The following LARS2 variants were observed in gnomAD, a reference collection of about 807,000 sequenced individuals.
LARS2 encodes the protein leucyl-tRNA synthetase 2, mitochondrial, also known as leucine--tRNA ligase, mitochondrial.
In LARS2, 81 loss-of-function variants were observed where a neutral mutation model predicts 116.6. That is an observed-to-expected ratio of 0.69 (90% confidence interval 0.58 to 0.84). The LOEUF (loss-of-function observed/expected upper bound fraction) is 0.84. Ranked by LOEUF, LARS2 falls within the 40% of genes least tolerant of loss-of-function variation. The pLI is 0.00. For synonymous variants in LARS2, 396 were observed against 407.2 expected (o/e 0.97, Z 0.33); for missense variants, 968 against 1,114.5 (o/e 0.87, Z 1.87).
chr3:45,545,014 G>A (rs979192086), intron 21 of LARS2, among the ~76,000 whole-genome samples: 1 of 152,166 alleles, frequency 6.6e-6, no homozygotes, highest in African/African-American at 2.4e-5. Context: ...GGGCTACCAG[G>A]GTGTGTGAGC....
intron 12 of LARS2, 117 bp downstream of exon 12, chr3:45,488,929 T>A (rs1699865146): frequency 1.3e-6 from 1 of 742,434 alleles, no homozygotes; most frequent in Non-Finnish European, 2.5e-6. Context: ...CTAACAGCCT[T>A]GTGGCCTCAT....
chr3:45,517,839 A>T (rs1463355434), intron 17 of LARS2, 64 bp from the exon 18 acceptor site: 2 of 1,346,984 alleles, frequency 1.5e-6, no homozygotes, highest in African/African-American at 2.9e-5. Context: ...CTGCTTAGTT[A>T]TACCAAGTCA....
At chr3:45,467,528 A>G (rs902335477) in intron 8 of LARS2, among the ~76,000 whole-genome samples, 1 of 152,222 alleles carries the variant, frequency 6.6e-6, no homozygotes, top group Non-Finnish European at 1.5e-5. Flanking sequence ...ATAAACACAC[A>G]TACAAGATTT....
At chr3:45,480,173 GCTT>G (rs1000464795) in intron 10 of LARS2, among the ~76,000 whole-genome samples, 1 of 152,136 alleles carries the variant, frequency 6.6e-6, no homozygotes, top group African/African-American at 2.4e-5. Flanking sequence ...GAAGGGAAAA[GCTT>G]CTGTGCTCAA....
chr3:45,417,711 G>T, intron 5 of LARS2, 138 bp downstream of exon 5: 2 of 597,768 alleles, frequency 3.3e-6, no homozygotes, highest in South Asian at 2.1e-5. Flanking sequence ...TGTGTATATT[G>T]GTGTTTGTCT....
chr3:45,465,367 G>A (rs1435787449), intron 8 of LARS2, among the ~76,000 whole-genome samples: 1 of 152,086 alleles, frequency 6.6e-6, no homozygotes, highest in African/African-American at 2.4e-5. Flanking sequence ...ATGATTGCTG[G>A]CCAGAGTGGC....
chr3:45,505,130 C>T (rs959524461), intron 15 of LARS2, among the ~76,000 whole-genome samples: 8 of 151,660 alleles, frequency 5.3e-5, no homozygotes, highest in African/African-American at 1.9e-4. Flanking sequence ...AGTTTAATCC[C>T]TTGAAACAAA....
Position 45,502,384 on chromosome 3 carries a change from G to A in LARS2, c.1760+1805G>A, listed in dbSNP as rs1478410126. 2.0e-5 allele frequency among the ~76,000 whole-genome samples: 3 copies of A among 151,896 alleles called. 1 individual carries two copies. The highest frequency in any genetic ancestry group is 4.4e-5 in the Non-Finnish European group (3 of 67,928). On this transcript the variant is annotated intron_variant, in intron 15 of 21. Transcript: ENST00000645846. The stretch of plus-strand genomic sequence containing the variant: ...CTTTTGATGAACAGAAACTCTTAAT[G>A]TAGTAAAAATTAATAATCTTTCCTT...
At chr3:45,454,852 G>A (rs1699188687) in intron 7 of LARS2, among the ~76,000 whole-genome samples, 1 of 152,186 alleles carries the variant, frequency 6.6e-6, no homozygotes, top group Admixed American at 6.5e-5. Context: ...CCTGAGCAAA[G>A]GGATTTAGGA....
At chr3:45,421,011 A>G (rs371455329) in intron 6 of LARS2, among the ~76,000 whole-genome samples, 2 of 152,196 alleles carry the variant, frequency 1.3e-5, no homozygotes, top group African/African-American at 4.8e-5. Context: ...CAATATGCAT[A>G]TATTTTTTGT....
At chr3:45,461,202 A>T (rs1416451642) in intron 8 of LARS2, among the ~76,000 whole-genome samples, 3 of 151,996 alleles carry the variant, frequency 2.0e-5, no homozygotes, top group African/African-American at 7.3e-5. Context: ...AGAGAGTAGA[A>T]ACTTTTTTTT....
At chr3:45,506,803 A>C (rs1700206751) in intron 15 of LARS2, 1 of 152,064 alleles carries the variant, frequency 6.6e-6, no homozygotes. Flanking sequence ...TACAGACAGC[A>C]AAGGTTTATG....
intron 12 of LARS2, among the ~76,000 whole-genome samples, chr3:45,491,133 A>C (rs1321992948): frequency 6.6e-6 from 1 of 152,200 alleles, no homozygotes; most frequent in Admixed American, 6.5e-5. Flanking sequence ...GGCTCTGGTG[A>C]TAAAGCAAGC....
chr3:45,432,543 C>A (rs1442847892), intron 6 of LARS2, among the ~76,000 whole-genome samples: 1 of 151,720 alleles, frequency 6.6e-6, no homozygotes, highest in Non-Finnish European at 1.5e-5. Flanking sequence ...TCTTAAACAA[C>A]AAATGGATTA....
chr3:45,456,319 A>C (rs192280972), intron 7 of LARS2, among the ~76,000 whole-genome samples: 4 of 152,338 alleles, frequency 2.6e-5, no homozygotes. Context: ...GTGGTGACTC[A>C]CGCCTGTAAT....
At chr3:45,458,635 C>T (rs1699254804) in intron 7 of LARS2, 108 bp from the exon 8 acceptor site, 10 of 1,087,200 alleles carry the variant, frequency 9.2e-6, no homozygotes, top group South Asian at 5.7e-5. Context: ...TGCAGTGAGT[C>T]GAGATCACGC....
chr3:45,466,235 G>A (rs973897422), intron 8 of LARS2, among the ~76,000 whole-genome samples: 8 of 152,124 alleles, frequency 5.3e-5, no homozygotes, highest in African/African-American at 1.9e-4. Flanking sequence ...TGTCAGCCTG[G>A]ACTCCATGGG....
intron 4 of LARS2, among the ~76,000 whole-genome samples, chr3:45,409,497 C>T (rs1698292067): frequency 6.6e-6 from 1 of 152,084 alleles, no homozygotes; most frequent in Non-Finnish European, 1.5e-5. Context: ...CAGTGTATTT[C>T]ACGTAAATAG....
chr3:45,528,709 A>G (rs1028012811), intron 20 of LARS2, among the ~76,000 whole-genome samples: 5 of 152,228 alleles, frequency 3.3e-5, no homozygotes, highest in African/African-American at 9.6e-5. Flanking sequence ...TTCATTTAGC[A>G]TAATGCTTTT....
Sources: allele counts gnomAD v4.1 joint callset (sites outside exome capture counted in the v4.1 genomes callset), GRCh38; gene constraint gnomAD v4.1.1; transcripts MANE v1.5; gene names NCBI Gene and HGNC (gene_info 2026-07-23, HGNC 2026-07-21).